FAM135B: variants seen among roughly 807,000 people sequenced by gnomAD.
FAM135B encodes the protein protein FAM135B.
FAM135B carries 43 observed loss-of-function variants against 127.7 expected under a neutral mutation model. The observed-to-expected ratio is 0.34, with a 90% CI of 0.26 to 0.43. The LOEUF is 0.43. Among genes scored for constraint, FAM135B ranks in the 20% least tolerant of loss-of-function variants. The pLI, the probability that FAM135B is intolerant of heterozygous loss-of-function variation, is 1.00. For synonymous variants in FAM135B, 670 were observed against 665.1 expected (o/e 1.01, Z -0.11); for missense variants, 1,558 against 1,725.6 (o/e 0.90, Z 1.72).
At chr8:138,377,716 C>G (rs1337432733) in intron 1 of FAM135B, among the ~76,000 whole-genome samples, 2 of 152,208 alleles carry the variant, frequency 1.3e-5, no homozygotes, top group Admixed American at 6.5e-5. Context: ...CTAGCAAGTT[C>G]TTGAGATAGC....
intron 5 of FAM135B, among the ~76,000 whole-genome samples, chr8:138,255,658 G>C (rs947370804): frequency 6.6e-6 from 1 of 152,192 alleles, no homozygotes; most frequent in Admixed American, 6.5e-5. Flanking sequence ...CCCCCAAAGA[G>C]CTAACTGCAA....
intron 3 of FAM135B, among the ~76,000 whole-genome samples, chr8:138,278,881 A>G (rs1426547318): frequency 6.6e-6 from 1 of 152,194 alleles, no homozygotes; most frequent in Non-Finnish European, 1.5e-5. Context: ...ATACAAATCA[A>G]TGCCTGTGAC....
chr8:138,365,972 A>T (rs1458117197), intron 2 of FAM135B, among the ~76,000 whole-genome samples: 1 of 151,836 alleles, frequency 6.6e-6, no homozygotes, highest in Non-Finnish European at 1.5e-5. Context: ...TTTCTTTTTC[A>T]CCAAAGCAAT....
At chr8:138,336,596 C>G (rs201775247) in intron 2 of FAM135B, among the ~76,000 whole-genome samples, 7 of 152,058 alleles carry the variant, frequency 4.6e-5, no homozygotes, top group Admixed American at 3.3e-4. Flanking sequence ...AACAGGCTCT[C>G]AAATTGAGGC....
intron 1 of FAM135B, among the ~76,000 whole-genome samples, chr8:138,425,962 A>AACATAT (rs1834819465): frequency 2.7e-5 from 1 of 36,864 alleles, no homozygotes; most frequent in Non-Finnish European, 5.8e-5. Flanking sequence ...CAGCCAGGCC[A>AACATAT]ACATATATAT....
At chr8:138,429,245 A>G (rs924069423) in intron 1 of FAM135B, among the ~76,000 whole-genome samples, 3 of 152,198 alleles carry the variant, frequency 2.0e-5, no homozygotes, top group Admixed American at 1.3e-4. Flanking sequence ...TTATTTGCCT[A>G]CAGGCTATGA....
intron 1 of FAM135B, among the ~76,000 whole-genome samples, chr8:138,446,759 T>A (rs1046224500): frequency 8.6e-5 from 13 of 151,462 alleles, no homozygotes; most frequent in African/African-American, 2.9e-4. Flanking sequence ...GGACTTCATG[T>A]CTAAAACACC....
At chr8:138,461,052 C>T (rs77910460) in intron 1 of FAM135B, among the ~76,000 whole-genome samples, 1 of 152,212 alleles carries the variant, frequency 6.6e-6, no homozygotes, top group African/African-American at 2.4e-5. Context: ...GGATCAGATG[C>T]TCATTTAAAA....
At chr8:138,289,053 C>T (rs899845128) in intron 3 of FAM135B, among the ~76,000 whole-genome samples, 2 of 152,206 alleles carry the variant, frequency 1.3e-5, no homozygotes, top group Non-Finnish European at 1.5e-5. Context: ...CTCCACACCT[C>T]CCTGACAAGT....
chr8:138,209,269 T>C (rs572511270), intron 7 of FAM135B, among the ~76,000 whole-genome samples: 38 of 151,980 alleles, frequency 2.5e-4, no homozygotes, highest in Non-Finnish European at 4.7e-4. Flanking sequence ...ATGGTAAGTA[T>C]GATACCAGAG....
At chr8:138,360,273 G>A (rs1215093930) in intron 2 of FAM135B, among the ~76,000 whole-genome samples, 5 of 152,154 alleles carry the variant, frequency 3.3e-5, no homozygotes, top group African/African-American at 7.2e-5. Flanking sequence ...TCATGCTCTT[G>A]TAAATAGATA....
chr8:138,462,037 T>C (rs1265027258), intron 1 of FAM135B, among the ~76,000 whole-genome samples: 1 of 151,856 alleles, frequency 6.6e-6, no homozygotes, highest in Non-Finnish European at 1.5e-5. Flanking sequence ...GCTTGATAGA[T>C]GATGATAATA....
intron 7 of FAM135B, among the ~76,000 whole-genome samples, chr8:138,229,189 T>C (rs1042830120): frequency 2.0e-5 from 3 of 152,146 alleles, no homozygotes; most frequent in African/African-American, 7.2e-5. Context: ...CACCATTGCA[T>C]CTTCCCTCCA....
intron 11 of FAM135B, among the ~76,000 whole-genome samples, chr8:138,174,418 C>T (rs1357502088): frequency 2.0e-5 from 3 of 152,104 alleles, no homozygotes; most frequent in Admixed American, 2.0e-4. Context: ...CGCACAGGTG[C>T]CAGCCCTGCA....
chr8:138,274,829 G>A (rs1271613798), intron 3 of FAM135B, among the ~76,000 whole-genome samples: 1 of 152,050 alleles, frequency 6.6e-6, no homozygotes, highest in Non-Finnish European at 1.5e-5. Flanking sequence ...CTCACCGGCG[G>A]TCAGAGTTTA....
intron 17 of FAM135B, 76 bp from the exon 18 acceptor site, chr8:138,139,172 G>A: frequency 1.2e-6 from 1 of 868,334 alleles, no homozygotes; most frequent in Non-Finnish European, 1.8e-6. Flanking sequence ...ATTTTGGTGA[G>A]ATGAACGTTA....
intron 7 of FAM135B, among the ~76,000 whole-genome samples, chr8:138,224,041 G>T (rs188558755): frequency 5.1e-4 from 78 of 151,982 alleles, no homozygotes; most frequent in Non-Finnish European, 8.7e-4. Flanking sequence ...GAGGACGGGG[G>T]TGGGGGGCAA....
At chr8:138,335,596 G>C (rs928582193) in intron 2 of FAM135B, among the ~76,000 whole-genome samples, 1 of 152,150 alleles carries the variant, frequency 6.6e-6, no homozygotes, top group African/African-American at 2.4e-5. Context: ...GGAGCACCCA[G>C]ATTCATAAAG....
chr8:138,483,395 A>G (rs1814862674), intron 1 of FAM135B, among the ~76,000 whole-genome samples: 1 of 152,194 alleles, frequency 6.6e-6, no homozygotes, highest in South Asian at 2.1e-4. Context: ...TCAGGCCTCC[A>G]AGCTGGGGTC....
Sources: allele counts gnomAD v4.1 joint callset (sites outside exome capture counted in the v4.1 genomes callset), GRCh38; gene constraint gnomAD v4.1.1; transcripts MANE v1.5; gene names NCBI Gene and HGNC (gene_info 2026-07-23, HGNC 2026-07-21).